The following FUT8 variants were observed in gnomAD, a reference collection of about 807,000 sequenced individuals.
The protein encoded by FUT8 is fucosyltransferase 8.
Under a neutral mutation model 71.3 loss-of-function variants are expected in FUT8, and 29 were observed. The ratio of observed to expected loss-of-function variants is 0.41; its 90% CI spans 0.30 to 0.55. FUT8 has a LOEUF of 0.55. Ranked by LOEUF, FUT8 falls within the 20% of genes least tolerant of loss-of-function variation. The probability of loss-of-function intolerance (pLI) is 0.34; values close to 1 mark genes in which losing one functional copy is unlikely to be tolerated. For synonymous variants in FUT8, 254 were observed against 239.3 expected, an observed-to-expected ratio of 1.06 and a Z score of -0.57; for missense variants, 544 against 702.1, an observed-to-expected ratio of 0.77 and a Z score of 2.55.
chr14:65,513,204 G>A (rs550335860), intron 2 of FUT8, among the ~76,000 whole-genome samples: 1 of 152,306 alleles, frequency 6.6e-6, no homozygotes, highest in East Asian at 1.9e-4. Context: ...AGCATTCACA[G>A]TGTTTTCCTA....
At chr14:65,717,502 G>A (rs1178493535) in intron 7 of FUT8, among the ~76,000 whole-genome samples, 26 of 134,650 alleles carry the variant, frequency 1.9e-4, no homozygotes, top group South Asian at 2.5e-4. Context: ...GGGCAGAGGC[G>A]CTCCTCACCT....
At chr14:65,616,482 T>A in intron 5 of FUT8, 109 bp downstream of exon 5, 1 of 967,846 alleles carries the variant, frequency 1.0e-6, no homozygotes, top group Non-Finnish European at 1.5e-6. Context: ...TAATAGCACC[T>A]ACAATATTTA....
chr14:65,357,389 C>T, the FUT8 span, among the ~76,000 whole-genome samples: 20 of 152,312 alleles, frequency 1.3e-4, no homozygotes, highest in South Asian at 3.7e-3. Flanking sequence ...ACAGATGAGA[C>T]AATAGCTGTA....
rs149711343 is a variant in FUT8, at chr14:65,738,386, T to C, written c.1411-3707T>C. On this transcript the variant is annotated intron_variant, in intron 10 of 10. Coordinates refer to ENST00000673929, the MANE Select transcript of FUT8 (RefSeq NM_001371533.1). ...GTAAACTCAGGCTACTTCTAAGGGA[T>C]GAAATTCAGACTAATGGATTCCTCC... Among the ~76,000 whole-genome samples, 6 of 152,198 alleles carry C rather than the reference T, an allele frequency of 3.9e-5. No homozygotes were observed. The South Asian group carries it at 1.0e-3, about 26-fold the overall frequency.
chr14:65,541,451 T>C (rs966699560), intron 2 of FUT8, among the ~76,000 whole-genome samples: 4 of 152,118 alleles, frequency 2.6e-5, no homozygotes, highest in African/African-American at 9.7e-5. Flanking sequence ...GTGGAAGGCC[T>C]TCGGAGGGGA....
At chr14:65,621,979 A>G (rs939694646) in intron 5 of FUT8, among the ~76,000 whole-genome samples, 20 of 151,166 alleles carry the variant, frequency 1.3e-4, no homozygotes, top group African/African-American at 3.9e-4. Context: ...ACACGCCACC[A>G]TGCCTGGCTA....
At chr14:65,405,284 T>C in the FUT8 span, among the ~76,000 whole-genome samples, 1 of 152,330 alleles carries the variant, frequency 6.6e-6, no homozygotes, top group South Asian at 2.1e-4. Flanking sequence ...CAGGGGAGAC[T>C]AGGAAAAGTA....
intron 5 of FUT8, among the ~76,000 whole-genome samples, chr14:65,622,625 A>T (rs891262190): frequency 6.6e-6 from 1 of 152,178 alleles, no homozygotes; most frequent in Non-Finnish European, 1.5e-5. Context: ...GTGGCATCCT[A>T]AAGTTCCTCC....
At position 65,530,813 on chromosome 14, in the gene FUT8, T is replaced by TTCTC. The variant is rs137867790; in HGVS notation, c.-227-30509_-227-30506dup. ...GCTCTTACGTTCTCTCTCTCGCTCT[T>TTCTC]TCTCTCTCTCTCTCTCTCCCTCCCT... On this transcript the variant is annotated intron_variant, in intron 2 of 10. Transcript: ENST00000673929. Among the ~76,000 whole-genome samples the TTCTC allele has an allele frequency of 5.6e-5, 8 of 142,472 alleles. 1 individual carries two copies. Among genetic ancestry groups the TTCTC allele is most frequent in the South Asian group, 4.6e-4 (2 of 4,372 alleles). 93.5% of individuals were successfully genotyped at this position (142,472 alleles called of 152,430 possible).
intron 3 of FUT8, among the ~76,000 whole-genome samples, chr14:65,608,455 T>G (rs899906418): frequency 3.3e-5 from 5 of 151,990 alleles, no homozygotes; most frequent in African/African-American, 1.2e-4. Flanking sequence ...TCATTTCATT[T>G]AGGCTACAAC....
intron 7 of FUT8, among the ~76,000 whole-genome samples, chr14:65,680,577 T>A (rs1478943663): frequency 6.6e-6 from 1 of 152,236 alleles, no homozygotes; most frequent in African/African-American, 2.4e-5. Context: ...TAAATTTTTA[T>A]CAGCCATCAG....
chr14:65,740,129 T>G (rs555294826), intron 10 of FUT8, among the ~76,000 whole-genome samples: 2 of 152,172 alleles, frequency 1.3e-5, no homozygotes, highest in East Asian at 3.9e-4. Flanking sequence ...GATCCCTATT[T>G]TATTATAGTC....
At chr14:65,548,183 A>G (rs993025801) in intron 2 of FUT8, among the ~76,000 whole-genome samples, 3 of 151,970 alleles carry the variant, frequency 2.0e-5, no homozygotes, top group African/African-American at 7.2e-5. Flanking sequence ...TTTTAGTATC[A>G]TTTAGAATAG....
chr14:65,700,115 CT>C (rs1239679332), intron 7 of FUT8, among the ~76,000 whole-genome samples: 5 of 152,102 alleles, frequency 3.3e-5, no homozygotes, highest in Admixed American at 2.0e-4. Flanking sequence ...ATGTTGTTTC[CT>C]GTGCACTGAA....
chr14:65,457,983 C>T (rs920014910), intron 2 of FUT8: 3 of 151,932 alleles, frequency 2.0e-5, no homozygotes, highest in Admixed American at 1.3e-4. Context: ...GAGATCGAGA[C>T]CATCCCGGCT....
At chr14:65,725,440 G>A (rs1310184632) in intron 9 of FUT8, among the ~76,000 whole-genome samples, 7 of 152,204 alleles carry the variant, frequency 4.6e-5, no homozygotes, top group African/African-American at 1.4e-4. Flanking sequence ...TAGGATCTGA[G>A]TAAACCTGGA....
intron 2 of FUT8, among the ~76,000 whole-genome samples, chr14:65,549,742 G>C (rs1336048161): frequency 3.9e-5 from 6 of 152,206 alleles, no homozygotes; most frequent in African/African-American, 1.2e-4. Flanking sequence ...AGGTGATGCA[G>C]CTGTGGTGAA....
intron 1 of FUT8, among the ~76,000 whole-genome samples, chr14:65,435,996 A>T (rs2065552841): frequency 6.8e-6 from 1 of 146,214 alleles, no homozygotes; most frequent in South Asian, 2.1e-4. Context: ...TGGTGTGATC[A>T]TCACTCACTG....
chr14:65,439,954 G>GTGTGTGTATACATATATA, intron 1 of FUT8, among the ~76,000 whole-genome samples: 2 of 74,984 alleles, frequency 2.7e-5, no homozygotes, highest in South Asian at 1.2e-3. Context: ...GTGTGTGTGT[G>GTGTGTGTATACATATATA]TATATATATA....
Sources: allele counts gnomAD v4.1 joint callset (sites outside exome capture counted in the v4.1 genomes callset), GRCh38; gene constraint gnomAD v4.1.1; transcripts MANE v1.5; gene names NCBI Gene and HGNC (gene_info 2026-07-23, HGNC 2026-07-21).